CEP63: variants seen among roughly 807,000 people sequenced by gnomAD.
CEP63 encodes centrosomal protein 63.
A neutral mutation model predicts 89.1 loss-of-function variants in CEP63; 84 were observed. The observed-to-expected ratio is 0.94, with a 90% CI of 0.79 to 1.13. The LOEUF (loss-of-function observed/expected upper bound fraction) is 1.13, where lower values mean the gene tolerates loss of function less well. Ranked by LOEUF, CEP63 falls within the 50% of genes most tolerant of loss-of-function variation. CEP63 has a pLI of 0.00. For missense variants in CEP63, 838 were observed against 813.3 expected, an observed-to-expected ratio of 1.03 and a Z score of -0.37; for synonymous variants, 267 against 272.5, an observed-to-expected ratio of 0.98 and a Z score of 0.20.
chr3:134,602,869 T>G, the CEP63 span, among the ~76,000 whole-genome samples: 1 of 152,256 alleles, frequency 6.6e-6, no homozygotes, highest in African/African-American at 2.4e-5. Context: ...GGCTGCTCTT[T>G]GCTTTGCAGT....
the CEP63 span, among the ~76,000 whole-genome samples, chr3:134,717,196 A>G: frequency 1.3e-5 from 2 of 152,342 alleles, no homozygotes; most frequent in Admixed American, 1.3e-4. Context: ...TGGCTGAGGC[A>G]GGTGAATAAT....
At chr3:134,735,488 C>T in the CEP63 span, among the ~76,000 whole-genome samples, 2 of 151,974 alleles carry the variant, frequency 1.3e-5, no homozygotes, top group Admixed American at 6.6e-5. Flanking sequence ...AATAAAAAGC[C>T]CCGAAATGTG....
the CEP63 span, chr3:134,650,759 C>G: frequency 7.1e-7 from 1 of 1,415,548 alleles, no homozygotes; most frequent in Admixed American, 2.6e-5. Context: ...CCCCGGCGGG[C>G]AGGCCCTTGT....
chr3:134,636,081 C>T, the CEP63 span, among the ~76,000 whole-genome samples: 1 of 152,258 alleles, frequency 6.6e-6, no homozygotes, highest in Non-Finnish European at 1.5e-5. Context: ...ATGTGATGAA[C>T]ACTCAGATAC....
the CEP63 span, among the ~76,000 whole-genome samples, chr3:134,763,795 CACTT>C: frequency 1.3e-5 from 2 of 152,206 alleles, no homozygotes; most frequent in South Asian, 2.1e-4. Context: ...TTTTAAATAA[CACTT>C]AGTTCTTAGT....
the CEP63 span, chr3:134,620,949 C>T: frequency 1.8e-4 from 136 of 767,052 alleles, no homozygotes; most frequent in African/African-American, 2.2e-3. Context: ...GCTGCTCTTC[C>T]TCCAGGCAGA....
the CEP63 span, among the ~76,000 whole-genome samples, chr3:134,732,901 C>A: frequency 6.6e-6 from 1 of 152,142 alleles, no homozygotes. Flanking sequence ...AAAGGAGAGA[C>A]TCCTAAGTCA....
chr3:134,740,048 G>A, the CEP63 span, among the ~76,000 whole-genome samples: 1 of 152,208 alleles, frequency 6.6e-6, no homozygotes, highest in South Asian at 2.1e-4. Context: ...CCTGCAGATT[G>A]CTGTCTCCTG....
At chr3:134,545,316 A>G (rs1169830377) in intron 6 of CEP63, among the ~76,000 whole-genome samples, 1 of 151,760 alleles carries the variant, frequency 6.6e-6, no homozygotes, top group Non-Finnish European at 1.5e-5. Flanking sequence ...TTTTTTATAA[A>G]GACAGGGTTT....
chr3:134,625,163 A>T, the CEP63 span: 1 of 1,565,790 alleles, frequency 6.4e-7, no homozygotes, highest in Admixed American at 1.9e-5. Context: ...CTTGGTCAGC[A>T]GCTGAGACCC....
At chr3:134,489,052 A>G in intron 1 of CEP63, among the ~76,000 whole-genome samples, 1 of 151,372 alleles carries the variant, frequency 6.6e-6, no homozygotes, top group East Asian at 2.0e-4. Flanking sequence ...CTACTAAGGA[A>G]GCTGAGGCAG....
chr3:134,737,986 C>T, the CEP63 span, among the ~76,000 whole-genome samples: 1 of 152,056 alleles, frequency 6.6e-6, no homozygotes, highest in Non-Finnish European at 1.5e-5. Flanking sequence ...ACAGAGATCA[C>T]CTAGGTTCAA....
the CEP63 span, among the ~76,000 whole-genome samples, chr3:134,711,524 G>A: frequency 1.3e-5 from 2 of 152,246 alleles, no homozygotes; most frequent in Non-Finnish European, 2.9e-5. Context: ...TTATTCCCTT[G>A]TTTGATGACT....
At chr3:134,602,037 C>T in the CEP63 span, among the ~76,000 whole-genome samples, 3 of 152,182 alleles carry the variant, frequency 2.0e-5, no homozygotes, top group Admixed American at 6.5e-5. Context: ...ACGGAGGAAG[C>T]TATGAGGGTC....
intron 3 of CEP63, among the ~76,000 whole-genome samples, chr3:134,515,878 T>C (rs1946086067): frequency 6.6e-6 from 1 of 152,210 alleles, no homozygotes; most frequent in African/African-American, 2.4e-5. Flanking sequence ...CCTTCAAAGC[T>C]GTATTGGGCC....
rs117204322 is a variant in CEP63, at chr3:134,501,997, G to A, written c.45-5112G>A. ...AGATGGCTCTTACTATTTTGAGGTC[G>A]GTTCCTTCGATGCCTAGTTTGTTGA... On this transcript the variant is annotated intron_variant, in intron 2 of 14. Coordinates refer to ENST00000675561, the MANE Select transcript of CEP63 (RefSeq NM_001353108.3). Among the ~76,000 whole-genome samples the A allele has an allele frequency of 6.5e-3, 984 of 152,098 alleles. 25 individuals are homozygous for A. In the South Asian group the frequency reaches 0.078, roughly 12 times the overall value.
intron 3 of CEP63, among the ~76,000 whole-genome samples, chr3:134,528,904 T>A (rs1949294088): frequency 6.6e-6 from 1 of 152,216 alleles, no homozygotes; most frequent in South Asian, 2.1e-4. Flanking sequence ...TGAGTCCTCA[T>A]GATCTTTATC....
At chr3:134,721,223 T>C in the CEP63 span, among the ~76,000 whole-genome samples, 2 of 151,716 alleles carry the variant, frequency 1.3e-5, no homozygotes, top group Admixed American at 6.6e-5. Flanking sequence ...TAAGTATTTA[T>C]TCTTTTTGGT....
At chr3:134,731,248 T>A in the CEP63 span, among the ~76,000 whole-genome samples, 29 of 152,296 alleles carry the variant, frequency 1.9e-4, no homozygotes, top group African/African-American at 7.0e-4. Flanking sequence ...TTGAATAGTA[T>A]GATAAACTTG....
Sources: allele counts gnomAD v4.1 joint callset (sites outside exome capture counted in the v4.1 genomes callset), GRCh38; gene constraint gnomAD v4.1.1; transcripts MANE v1.5; gene names NCBI Gene and HGNC (gene_info 2026-07-23, HGNC 2026-07-21).